The following ZNF334 variants were observed in gnomAD, a reference collection of about 807,000 sequenced individuals.
The protein encoded by ZNF334 is zinc finger protein 334.
In ZNF334, 14 loss-of-function variants were observed where a neutral mutation model predicts 12.4. That is an observed-to-expected ratio of 1.13 (90% CI 0.74 to 1.76). ZNF334 has a LOEUF of 1.76. Among genes scored for constraint, ZNF334 ranks in the 40% most tolerant of loss-of-function variants. The pLI, the probability that ZNF334 is intolerant of heterozygous loss-of-function variation, is 0.00. For synonymous variants in ZNF334, 273 were observed against 269.6 expected (o/e 1.01, Z -0.12); for missense variants, 797 against 804.5 (o/e 0.99, Z 0.11).
downstream of ZNF334, among the ~76,000 whole-genome samples, chr20:46,494,847 C>T (rs2060994520): frequency 6.6e-6 from 1 of 152,158 alleles, no homozygotes; most frequent in African/African-American, 2.4e-5. Flanking sequence ...TCACTAAACT[C>T]AAAAATTTTT....
the ZNF334 span, among the ~76,000 whole-genome samples, chr20:46,470,551 A>G: frequency 6.6e-6 from 1 of 152,228 alleles, no homozygotes; most frequent in East Asian, 1.9e-4. Flanking sequence ...GAGGAACGCG[A>G]GGGACAGAGT....
At chr20:46,491,971 C>T in the ZNF334 span, 1 of 152,968 alleles carries the variant, frequency 6.5e-6, no homozygotes, top group Admixed American at 6.5e-5. Flanking sequence ...ACAAGAAAAT[C>T]CATACAGGAG....
downstream of ZNF334, among the ~76,000 whole-genome samples, chr20:46,495,242 T>A (rs1264856019): frequency 6.6e-6 from 1 of 151,968 alleles, no homozygotes; most frequent in Non-Finnish European, 1.5e-5. Flanking sequence ...GTTTGTGGAT[T>A]GAATGGAATC....
intron 1 of ZNF334, 66 bp from the exon 2 acceptor site, chr20:46,512,206 C>T (rs1362306357): frequency 8.2e-6 from 10 of 1,223,870 alleles, no homozygotes; most frequent in African/African-American, 1.5e-5. Context: ...TCTACAATTA[C>T]CTACAAAGCC....
At position 46,501,366 on chromosome 20, in the gene ZNF334, C is replaced by A. The variant is rs921289341; in HGVS notation, c.1973G>T (p.Cys658Phe). The A allele has an allele frequency of 1.7e-5, 27 of 1,613,878 alleles. No homozygotes were observed. In the Admixed American group the frequency reaches 2.2e-4, roughly 13 times the overall value. ...GCGAAATGTTTTCTCACATTTGTTACATTCATAAGGTTTCTCTCCTGTGTG... is the reference window on the plus strand; with the variant it reads ...GCGAAATGTTTTCTCACATTTGTTAAATTCATAAGGTTTCTCTCCTGTGTG... ...KIHTGEKPYECNKCEKTFRHK... is the reference protein window; with the variant it reads ...KIHTGEKPYEFNKCEKTFRHK... Residue 658 changes from cysteine to phenylalanine, a missense_variant, in exon 5 of 5, where the codon TGT becomes TTT. By Grantham distance (205) the Cys-to-Phe change is radical. Transcript: ENST00000692313.
chr20:46,474,137 G>A, the ZNF334 span, among the ~76,000 whole-genome samples: 4 of 152,202 alleles, frequency 2.6e-5, no homozygotes, highest in Non-Finnish European at 1.5e-5. Flanking sequence ...CACTTTGGGA[G>A]GCTGAGGTGG....
chr20:46,480,429 TCTC>T, the ZNF334 span, among the ~76,000 whole-genome samples: 1 of 152,186 alleles, frequency 6.6e-6, no homozygotes, highest in South Asian at 2.1e-4. Context: ...CCAAACTGCC[TCTC>T]CTCCTCCATG....
At chr20:46,497,407 G>A, downstream of ZNF334, among the ~76,000 whole-genome samples, 1 of 152,184 alleles carries the variant, frequency 6.6e-6, no homozygotes, top group Non-Finnish European at 1.5e-5. Context: ...AAAGTCCATA[G>A]GCAAACCGTT....
chr20:46,473,561 T>C, the ZNF334 span, among the ~76,000 whole-genome samples: 1 of 152,244 alleles, frequency 6.6e-6, no homozygotes, highest in African/African-American at 2.4e-5. Flanking sequence ...TTTCCTTCAG[T>C]TTGATAACAA....
At chr20:46,464,294 C>T in the ZNF334 span, 1 of 554,490 alleles carries the variant, frequency 1.8e-6, no homozygotes, top group South Asian at 1.4e-5. Context: ...CTGGTACTCA[C>T]TGGGAATGAC....
the ZNF334 span, among the ~76,000 whole-genome samples, chr20:46,468,977 T>C: frequency 1.9e-4 from 29 of 152,214 alleles, no homozygotes; most frequent in Admixed American, 3.3e-4. Flanking sequence ...AATGTATAGA[T>C]GTAAATACTT....
chr20:46,487,096 T>C, the ZNF334 span, among the ~76,000 whole-genome samples: 1 of 152,186 alleles, frequency 6.6e-6, no homozygotes, highest in Non-Finnish European at 1.5e-5. Context: ...CTTCTCTTGA[T>C]CAGAAATCCT....
the ZNF334 span, chr20:46,477,333 TGTTTTTTG>T: frequency 6.6e-6 from 1 of 151,992 alleles, no homozygotes; most frequent in Admixed American, 6.6e-5. Context: ...CCTGTTTTTT[TGTTTTTTG>T]GTTTTTTTTT....
At chr20:46,463,535 G>A in the ZNF334 span, among the ~76,000 whole-genome samples, 1 of 152,174 alleles carries the variant, frequency 6.6e-6, no homozygotes, top group South Asian at 2.1e-4. Flanking sequence ...CCCCAAAGCA[G>A]GGCCGCAGCT....
rs1355057346 is a variant in ZNF334, at chr20:46,499,713, G to C, written c.*1583C>G. ...CTTTCACAATAGCAACCAAATCTTT[G>C]AAGTGACTATTAATACATTTCACAG... is the stretch of plus-strand genomic sequence containing the variant. On this transcript the variant is annotated 3_prime_UTR_variant, in exon 5 of 5. Transcript: ENST00000692313. The C allele has an allele frequency of 1.3e-5, 2 of 152,042 alleles. No individual in the cohort carries two copies. The highest frequency in any genetic ancestry group is 4.8e-5 in the African/African-American group (2 of 41,390). 9.4% of individuals were successfully genotyped at this position (152,042 alleles called of 1,614,324 possible).
chr20:46,481,186 A>G, the ZNF334 span: 10 of 152,212 alleles, frequency 6.6e-5, no homozygotes, highest in Non-Finnish European at 1.3e-4. Flanking sequence ...TGAACTGCTT[A>G]CTTCTGATTT....
rs1467434928 is a variant in ZNF334 at position 46,501,747 on chromosome 20, T to C, written c.1592A>G (p.His531Arg). The C allele has an allele frequency of 6.2e-7, 1 of 1,614,008 alleles. No individual in the cohort carries two copies. Among genetic ancestry groups the C allele is most frequent in the Non-Finnish European group, 8.5e-7 (1 of 1,179,976 alleles). The change falls in exon 5 of 5, where the codon CAC (histidine) becomes CGC (arginine). Residue 531 changes from histidine (H) to arginine (R), a missense_variant. Transcript: ENST00000692313. ...EHGHAVSKNS[H>R]LIVHQRTIWE... The stretch of plus-strand genomic sequence containing the variant: ...TATAGTTCTCTGATGTACAATGAGG[T>C]GTGAGTTTTTGCTGACGGCATGCCC...
the ZNF334 span, among the ~76,000 whole-genome samples, chr20:46,488,783 G>A: frequency 6.7e-5 from 10 of 149,252 alleles, no homozygotes; most frequent in Non-Finnish European, 1.0e-4. Context: ...CCATATGCTG[G>A]GCATAGAATT....
At chr20:46,511,305 G>A (rs1251857087) in intron 2 of ZNF334, among the ~76,000 whole-genome samples, 2 of 151,998 alleles carry the variant, frequency 1.3e-5, no homozygotes, top group African/African-American at 2.4e-5. Flanking sequence ...ATTATCAGAG[G>A]TGCCTATTAG....
Sources: allele counts gnomAD v4.1 joint callset (sites outside exome capture counted in the v4.1 genomes callset), GRCh38; gene constraint gnomAD v4.1.1; transcripts MANE v1.5; gene names NCBI Gene and HGNC (gene_info 2026-07-23, HGNC 2026-07-21).